The following SYNE2 variants were observed in gnomAD, a reference collection of about 807,000 sequenced individuals.
The protein encoded by SYNE2 is nesprin-2.
In SYNE2, 431 loss-of-function variants were observed where a neutral mutation model predicts 856.3. The ratio of observed to expected loss-of-function variants is 0.50; its 90% confidence interval spans 0.47 to 0.55. SYNE2 has a LOEUF of 0.55. Ranked by LOEUF, SYNE2 falls within the 20% of genes least tolerant of loss-of-function variation. The pLI, the probability that SYNE2 is intolerant of heterozygous loss-of-function variation, is 0.00. For missense variants in SYNE2, 8,129 were observed against 8,023.2 expected (o/e 1.01, Z -0.50); for synonymous variants, 2,923 against 2,872.3 (o/e 1.02, Z -0.56).
rs377329460 is a variant in SYNE2 at position 64,224,443 on chromosome 14, T to C, written c.20383-18T>C. 1.1e-5 allele frequency: 18 copies of C among 1,611,994 alleles called. No individual in the cohort carries two copies. The African/African-American group carries it at 2.1e-4, about 19-fold the overall frequency. ...TGAAACACATTTCTGTGCTCAACCT[T>C]TGGGGTCTGAATTTCAGAACCCAGC... On this transcript the variant is annotated intron_variant, in intron 113 of 115. Transcript: ENST00000555002.
At chr14:64,156,220 G>A (rs1176933799) in intron 85 of SYNE2, among the ~76,000 whole-genome samples, 1 of 152,108 alleles carries the variant, frequency 6.6e-6, no homozygotes, top group Non-Finnish European at 1.5e-5. Context: ...TATAAGGCCA[G>A]AAGGCCTTTA....
intron 2 of SYNE2, among the ~76,000 whole-genome samples, chr14:63,939,504 C>T (rs1328739342): frequency 4.6e-5 from 7 of 152,094 alleles, no homozygotes; most frequent in South Asian, 2.1e-4. Flanking sequence ...TGTGCCACCA[C>T]GCCTGGCTAA....
intron 14 of SYNE2, among the ~76,000 whole-genome samples, chr14:63,979,215 A>T (rs2096567222): frequency 6.6e-6 from 1 of 152,224 alleles, no homozygotes; most frequent in African/African-American, 2.4e-5. Flanking sequence ...AAATATAGAA[A>T]ATATCACTAC....
intron 85 of SYNE2, among the ~76,000 whole-genome samples, chr14:64,154,397 A>C (rs1316143086): frequency 6.6e-6 from 1 of 152,132 alleles, no homozygotes; most frequent in Non-Finnish European, 1.5e-5. Context: ...CAAATTGTTA[A>C]AAAAAGTATT....
Position 63,814,507 on chromosome 14 carries a change from T to C in SYNE2, c.-304-37994T>C, listed in dbSNP as rs1888765749. Among the ~76,000 whole-genome samples the C allele has an allele frequency of 3.5e-5, 4 of 112,730 alleles. No homozygotes were observed. The South Asian group carries it at 1.2e-3, about 33-fold the overall frequency. The allele number at this position is 112,730 out of a possible 152,430, so 74.0% of individuals were successfully genotyped here. ...TCCTTATATATATCCATATATATAA[T>C]ATATATATCCATTATATATATCCAT... On this transcript the variant is annotated intron_variant, in intron 1 of 23. Coordinates refer to the SYNE2 transcript ENST00000674003.
chr14:64,077,551 A>T (rs185389759), intron 54 of SYNE2, among the ~76,000 whole-genome samples: 33 of 152,334 alleles, frequency 2.2e-4, no homozygotes, highest in African/African-American at 7.7e-4. Context: ...GACTGTAGCA[A>T]GTCATTTAGT....
In SYNE2 at chr14:64,044,114, A is replaced by G. The variant is rs144436626; in HGVS notation, c.7222-3886A>G. On this transcript the variant is annotated intron_variant, in intron 45 of 115. Transcript: ENST00000555002. ...AGCTGCAAACATTCAATGCCAGCCT[A>G]TGAAAGCAGCTGGGAGGGAGGCTGT... is the stretch of plus-strand genomic sequence containing the variant. Among the ~76,000 whole-genome samples, 189 of 152,320 alleles carry G rather than the reference A, an allele frequency of 1.2e-3. 1 individual carries two copies. The highest frequency in any genetic ancestry group is 4.4e-3 in the African/African-American group (182 of 41,582).
intron 61 of SYNE2, among the ~76,000 whole-genome samples, chr14:64,096,381 G>A (rs1287097587): frequency 6.6e-6 from 1 of 152,198 alleles, no homozygotes; most frequent in Non-Finnish European, 1.5e-5. Flanking sequence ...GGTGTAAAAG[G>A]CAAATAACAT....
intron 65 of SYNE2, among the ~76,000 whole-genome samples, chr14:64,108,466 T>A (rs1359816014): frequency 1.3e-5 from 2 of 152,268 alleles, no homozygotes; most frequent in Middle Eastern, 3.4e-3. Context: ...TCAGTTGTTC[T>A]CAATAAGGCC....
At chr14:63,893,666 C>T (rs1164513989) in intron 1 of SYNE2, among the ~76,000 whole-genome samples, 1 of 152,164 alleles carries the variant, frequency 6.6e-6, no homozygotes, top group African/African-American at 2.4e-5. Context: ...ATATGGCATA[C>T]ACTATGCTAC....
intron 57 of SYNE2, among the ~76,000 whole-genome samples, chr14:64,083,948 G>T (rs1158177675): frequency 6.6e-6 from 1 of 150,474 alleles, no homozygotes; most frequent in Non-Finnish European, 1.5e-5. Context: ...TTTTGAGACG[G>T]AGTTTCACTC....
chr14:63,884,536 T>A (rs918327903), intron 1 of SYNE2, among the ~76,000 whole-genome samples: 1 of 151,998 alleles, frequency 6.6e-6, no homozygotes, highest in Non-Finnish European at 1.5e-5. Context: ...TACACTGAGA[T>A]TGTGGCACGG....
At position 64,225,325 on chromosome 14, in the gene SYNE2, C is replaced by T. The variant is rs751852545; in HGVS notation, c.20523C>T (p.Pro6841=). 1.7e-5 allele frequency: 27 copies of T among 1,613,970 alleles called. No individual in the cohort carries two copies. Among genetic ancestry groups the T allele is most frequent in the South Asian group, 9.9e-5 (9 of 91,088 alleles). The part of the protein sequence containing the change: ...EGEEETESRV[P]GSTRPQRSFL... ...CAACCTCCTCTGTTGGCAGGGTCCC[C>T]GGCAGCACACGGCCACAGCGCTCCT... The change falls in exon 116 of 116, where the codon CCC becomes CCT. Residue 6841 remains proline, a synonymous_variant. Coordinates refer to ENST00000555002, the MANE Select transcript of SYNE2 (RefSeq NM_182914.3).
chr14:63,879,173 A>G (rs2094799717), intron 1 of SYNE2, among the ~76,000 whole-genome samples: 1 of 152,202 alleles, frequency 6.6e-6, no homozygotes, highest in Admixed American at 6.5e-5. Flanking sequence ...CCCAACCTTG[A>G]GTTGGGCTAA....
intron 70 of SYNE2, chr14:64,122,657 C>G: frequency 1.6e-6 from 1 of 630,222 alleles, no homozygotes; most frequent in Non-Finnish European, 2.8e-6. Flanking sequence ...AACTATCCGC[C>G]TGTTTGTTTA....
rs2095899038 is a variant in SYNE2 at position 63,940,555 on chromosome 14, T to C, written c.80-59T>C. On this transcript the variant is annotated intron_variant, in intron 2 of 115. Transcript: ENST00000555002. ...GTGACAGACCTTTGAAGCTCTGATA[T>C]GTGCAGGAGGTTTCTGAGGCTTCTG... is the stretch of plus-strand genomic sequence containing the variant. 6.7e-6 allele frequency: 10 copies of C among 1,498,418 alleles called. 1 individual carries two copies. The highest frequency in any genetic ancestry group is 3.4e-4 in the Middle Eastern group (2 of 5,842). The allele number at this position is 1,498,418 out of a possible 1,614,324, so 92.8% of individuals were successfully genotyped here.
intron 1 of SYNE2, among the ~76,000 whole-genome samples, chr14:63,828,341 C>T (rs2139887240): frequency 6.6e-6 from 1 of 152,188 alleles, no homozygotes; most frequent in South Asian, 2.1e-4. Flanking sequence ...TAGAGATAAT[C>T]TAAAGTATAT....
chr14:63,807,043 G>A (rs1888389212), intron 1 of SYNE2, among the ~76,000 whole-genome samples: 1 of 152,110 alleles, frequency 6.6e-6, no homozygotes, highest in African/African-American at 2.4e-5. Context: ...GTAACTCTGG[G>A]CCAGGCACAG....
intron 1 of SYNE2, among the ~76,000 whole-genome samples, chr14:63,866,097 A>C (rs574417174): frequency 1.1e-3 from 172 of 152,272 alleles, no homozygotes; most frequent in African/African-American, 4.0e-3. Context: ...CTCAGCCCCC[A>C]AAATACATAT....
Sources: allele counts gnomAD v4.1 joint callset (sites outside exome capture counted in the v4.1 genomes callset), GRCh38; gene constraint gnomAD v4.1.1; transcripts MANE v1.5; gene names NCBI Gene and HGNC (gene_info 2026-07-23, HGNC 2026-07-21).